HIVEP3: variants seen among roughly 807,000 people sequenced by gnomAD.
The protein encoded by HIVEP3 is HIVEP zinc finger 3, also known as transcription factor HIVEP3.
Under a neutral mutation model 152.8 loss-of-function variants are expected in HIVEP3, and 49 were observed. The ratio of observed to expected loss-of-function variants is 0.32; its 90% CI spans 0.26 to 0.41. HIVEP3 has a LOEUF of 0.41. Ranked by LOEUF, HIVEP3 falls within the 10% of genes least tolerant of loss-of-function variation. The pLI, the probability that HIVEP3 is intolerant of heterozygous loss-of-function variation, is 1.00. For missense variants in HIVEP3, 2,790 were observed against 3,103.3 expected, an observed-to-expected ratio of 0.90 and a Z score of 2.40; for synonymous variants, 1,269 against 1,289.0, an observed-to-expected ratio of 0.98 and a Z score of 0.33.
intron 3 of HIVEP3, among the ~76,000 whole-genome samples, chr1:41,620,950 C>T (rs551680577): frequency 1.1e-3 from 170 of 152,318 alleles, no homozygotes; most frequent in South Asian, 6.8e-3. Flanking sequence ...CCACCCGAGG[C>T]CCTGAGATTG....
intron 1 of HIVEP3, among the ~76,000 whole-genome samples, chr1:42,002,250 A>G (rs168341): frequency 0.058 from 8,826 of 152,188 alleles, 886 homozygotes; most frequent in African/African-American, 0.2. Flanking sequence ...TGCAGCTTCT[A>G]TCAGCAGATA....
At chr1:41,970,821 A>C (rs1645224534) in intron 1 of HIVEP3, among the ~76,000 whole-genome samples, 1 of 152,170 alleles carries the variant, frequency 6.6e-6, no homozygotes, top group South Asian at 2.1e-4. Flanking sequence ...GGACTATATG[A>C]ACATTGGAGC....
chr1:41,628,915 T>G lies in HIVEP3; in HGVS notation c.-688A>C, dbSNP rs1036762434. On this transcript the variant is annotated 5_prime_UTR_variant, in exon 3 of 9. It removes the in-frame stop codon of an upstream open reading frame in the 5' UTR. Transcript: ENST00000372583. ...GACCCCGCGAGGCTCCTCCATGAAC[T>G]AGGTTGAGGCTGCTGGGTTTGTGCC... The G allele has an allele frequency of 1.6e-6, 2 of 1,231,458 alleles. No individual in the cohort carries two copies. The highest frequency in any genetic ancestry group is 3.1e-5 in the African/African-American group (2 of 64,506). The allele number at this position is 1,231,458 out of a possible 1,614,324, so 76.3% of individuals were successfully genotyped here.
intron 2 of HIVEP3, among the ~76,000 whole-genome samples, chr1:41,670,995 C>T (rs368995153): frequency 7.2e-5 from 11 of 152,294 alleles, no homozygotes; most frequent in South Asian, 2.1e-4. Flanking sequence ...GAGGTGGGAA[C>T]GGTAGACAAA....
intron 1 of HIVEP3, among the ~76,000 whole-genome samples, chr1:41,709,698 G>A (rs1004231438): frequency 6.6e-6 from 1 of 152,200 alleles, no homozygotes; most frequent in African/African-American, 2.4e-5. Flanking sequence ...TGGAGTCTTA[G>A]GCAGGGAAAT....
rs55663663 is a variant in HIVEP3, at chr1:41,929,726, T to TTATATATATATATATATA, written n.120-11220_120-11203dup. Among the ~76,000 whole-genome samples, 258 of 112,720 alleles carry TTATATATATATATATATA rather than the reference T, an allele frequency of 2.3e-3. 3 individuals carry two copies. The highest frequency in any genetic ancestry group is 0.018 in the Middle Eastern group (4 of 220). The allele number at this position is 112,720 out of a possible 152,430, so 73.9% of individuals were successfully genotyped here. On this transcript the variant is annotated intron_variant and non_coding_transcript_variant, in intron 1 of 3. Transcript: ENST00000489103. ...TGTGTGAGTGTGTGTATATGTGTTT[T>TTATATATATATATATATA]TATATATATATATATATATATATAT...
intron 1 of HIVEP3, among the ~76,000 whole-genome samples, chr1:41,926,243 T>C (rs1413918813): frequency 6.6e-6 from 1 of 152,216 alleles, no homozygotes; most frequent in Non-Finnish European, 1.5e-5. Context: ...TCGTACTTTT[T>C]ATATTTGCAG....
chr1:41,510,904 A>C lies in HIVEP3; in HGVS notation c.6768T>G (p.Pro2256=). Residue 2256 remains proline (P), a synonymous_variant, in exon 9 of 9, where the codon CCT becomes CCG. Transcript: ENST00000372583. ...GTGTGAATTTGGAGACCTTAGCCAC[A>C]GGCGACACGGAGGCTGACGAGCTCT... The part of the protein sequence containing the change: ...PTESSSASVS[P]VAKVSKFTLS... 6.2e-7 allele frequency: 1 copy of C among 1,613,482 alleles called. No homozygotes were observed. The highest frequency in any genetic ancestry group is 8.5e-7 in the Non-Finnish European group (1 of 1,179,868).
chr1:41,904,100 T>A lies in HIVEP3; in HGVS notation c.-801+14313A>T, dbSNP rs72965216. Among the ~76,000 whole-genome samples, 384 of 152,030 alleles carry A rather than the reference T, an allele frequency of 2.5e-3. 3 individuals are homozygous for A. Among genetic ancestry groups the A allele is most frequent in the African/African-American group, 8.9e-3 (368 of 41,360 alleles). ...TTAGTAGAGATGGGGTATTGCTACG[T>A]TGCCCAGGCTAATCTCGAACTCATG... On this transcript the variant is annotated intron_variant, in intron 1 of 8. Coordinates refer to ENST00000372583, the MANE Select transcript of HIVEP3 (RefSeq NM_024503.5).
At chr1:41,955,444 A>G (rs1391198698) in intron 1 of HIVEP3, among the ~76,000 whole-genome samples, 4 of 152,208 alleles carry the variant, frequency 2.6e-5, no homozygotes, top group African/African-American at 9.7e-5. Flanking sequence ...ATAGTTAAAT[A>G]GGAGGAAAGT....
chr1:41,521,385 T>G (rs2149050688), intron 6 of HIVEP3, among the ~76,000 whole-genome samples: 1 of 152,218 alleles, frequency 6.6e-6, no homozygotes, highest in East Asian at 1.9e-4. Context: ...CCCATAGGCC[T>G]CCCTCTCCTC....
chr1:41,657,151 A>G (rs1202875415), intron 2 of HIVEP3, among the ~76,000 whole-genome samples: 1 of 152,162 alleles, frequency 6.6e-6, no homozygotes, highest in Non-Finnish European at 1.5e-5. Flanking sequence ...TAAATGAATA[A>G]ATGACAGCGT....
intron 1 of HIVEP3, among the ~76,000 whole-genome samples, chr1:41,897,363 T>C (rs1644546057): frequency 6.6e-6 from 1 of 152,042 alleles, no homozygotes; most frequent in African/African-American, 2.4e-5. Context: ...AATACCAGTG[T>C]GATAGAATGA....
chr1:41,604,842 G>A (rs986666828), intron 3 of HIVEP3, among the ~76,000 whole-genome samples: 3 of 152,116 alleles, frequency 2.0e-5, no homozygotes, highest in Non-Finnish European at 4.4e-5. Context: ...AGTGGCTCAT[G>A]CCTATAATCT....
chr1:41,620,890 G>A (rs528337425), intron 3 of HIVEP3, among the ~76,000 whole-genome samples: 4 of 152,286 alleles, frequency 2.6e-5, no homozygotes, highest in East Asian at 1.9e-4. Context: ...GCTGGGTACC[G>A]GAGGCATTTG....
chr1:41,937,444 G>A (rs1248710223), intron 1 of HIVEP3, among the ~76,000 whole-genome samples: 1 of 152,280 alleles, frequency 6.6e-6, no homozygotes, highest in East Asian at 1.9e-4. Flanking sequence ...TTGAAACTGA[G>A]AGGATCGAAG....
intron 1 of HIVEP3, among the ~76,000 whole-genome samples, chr1:41,763,048 T>C (rs1296078779): frequency 6.6e-6 from 1 of 152,198 alleles, no homozygotes; most frequent in Non-Finnish European, 1.5e-5. Context: ...AAAAGCCAGA[T>C]GCCAAGTGAG....
At chr1:41,892,852 G>T (rs528277593) in intron 1 of HIVEP3, among the ~76,000 whole-genome samples, 4 of 152,166 alleles carry the variant, frequency 2.6e-5, no homozygotes. Context: ...GGGTACGGTG[G>T]CTCATGCCTG....
intron 1 of HIVEP3, among the ~76,000 whole-genome samples, chr1:41,926,001 T>C (rs965687133): frequency 2.0e-5 from 3 of 152,156 alleles, no homozygotes; most frequent in African/African-American, 7.2e-5. Flanking sequence ...CCCTTCCTTT[T>C]TCCTTTTGCC....
Sources: gnomAD v4.1 joint callset for allele counts (sites outside exome capture counted in the v4.1 genomes callset) on GRCh38, gnomAD v4.1.1 for gene constraint, MANE v1.5 for transcripts, NCBI Gene and HGNC (gene_info 2026-07-23, HGNC 2026-07-21) for gene names.